The following NUP98 variants were observed in gnomAD, a reference collection of about 807,000 sequenced individuals.
NUP98 encodes nuclear pore complex protein Nup98-Nup96.
In NUP98, 26 loss-of-function variants were observed where a neutral mutation model predicts 191.9. The ratio of observed to expected loss-of-function variants is 0.14; its 90% CI spans 0.10 to 0.19. The LOEUF is 0.19. Among genes scored for constraint, NUP98 ranks in the 10% least tolerant of loss-of-function variants. The pLI, the probability that NUP98 is intolerant of heterozygous loss-of-function variation, is 1.00. For synonymous variants in NUP98, 808 were observed against 778.4 expected (o/e 1.04, Z -0.63); for missense variants, 1,941 against 2,178.8 (o/e 0.89, Z 2.17).
intron 28 of NUP98, among the ~76,000 whole-genome samples, chr11:3,690,992 A>C (rs1300437467): frequency 6.6e-6 from 1 of 152,240 alleles, no homozygotes; most frequent in Non-Finnish European, 1.5e-5. Context: ...ATAGTAACAA[A>C]AAACTAGTCA....
intron 12 of NUP98, 125 bp from the exon 13 acceptor site, chr11:3,735,449 G>T: frequency 2.4e-6 from 1 of 412,840 alleles, no homozygotes. Flanking sequence ...TCAGATCAAT[G>T]GTATCATTGG....
At chr11:3,709,812 T>C (rs2078977627) in intron 20 of NUP98, among the ~76,000 whole-genome samples, 1 of 42,000 alleles carries the variant, frequency 2.4e-5, no homozygotes, top group Admixed American at 3.2e-4. Flanking sequence ...CTGGGGACTG[T>C]TGTGGGGTGG....
intron 27 of NUP98, 137 bp downstream of exon 27, chr11:3,693,095 C>CA: frequency 1.3e-6 from 1 of 793,838 alleles, no homozygotes; most frequent in East Asian, 2.5e-5. Flanking sequence ...AAAATAAAAA[C>CA]AGACACTTGG....
chr11:3,731,472 G>C lies in NUP98; in HGVS notation c.1649C>G (p.Thr550Arg). The change falls in exon 14 of 33, where the codon ACA becomes AGA. Residue 550 changes from threonine (T) to arginine (R), a missense_variant. By Grantham distance (71) the Thr-to-Arg change is moderately conservative (BLOSUM62 -1). Around this residue, in one of 6 missense-constraint regions of NUP98, gnomAD observed 453 missense variants for 438.2 expected, o/e 1.03. Transcript: ENST00000324932. ...GAGATGTGACTTGGCTGTGCCTGTT[G>C]TTTGTAAAGCCTTTGGCCGGACTCT... ...ATRVRPKALQ[T>R]TGTAKSHLFD... 1.2e-6 allele frequency: 2 copies of C among 1,608,834 alleles called. No homozygotes were observed. Among genetic ancestry groups the C allele is most frequent in the Non-Finnish European group, 1.7e-6 (2 of 1,177,376 alleles).
At chr11:3,728,688 G>A (rs959578572) in intron 14 of NUP98, among the ~76,000 whole-genome samples, 4 of 151,998 alleles carry the variant, frequency 2.6e-5, no homozygotes, top group African/African-American at 4.8e-5. Flanking sequence ...GCAGTGAGCC[G>A]AGATGGGGCC....
chr11:3,753,152 G>C (rs1049234904), intron 11 of NUP98, among the ~76,000 whole-genome samples, 164 bp downstream of exon 11: 4 of 152,188 alleles, frequency 2.6e-5, no homozygotes, highest in African/African-American at 9.7e-5. Flanking sequence ...ATATTTTAAA[G>C]CCTGGTAAAG....
At chr11:3,788,941 C>T (rs936903411) in intron 1 of NUP98, among the ~76,000 whole-genome samples, 1 of 152,098 alleles carries the variant, frequency 6.6e-6, no homozygotes, top group Non-Finnish European at 1.5e-5. Flanking sequence ...CAGTGAAACT[C>T]CATCTCAAAA....
rs1167395767 is a variant in NUP98, at chr11:3,719,493, T to C, written c.2318A>G (p.Asp773Gly). 3 of 1,593,580 alleles carry C rather than the reference T, an allele frequency of 1.9e-6. No homozygotes were observed. The highest frequency in any genetic ancestry group is 1.4e-5 in the African/African-American group (1 of 73,600). The change falls in exon 18 of 33, where the codon GAT becomes GGT. Residue 773 changes from aspartate (D) to glycine (G), a missense_variant. This residue lies in a region of NUP98 where 453 missense variants were observed against 438.2 expected (regional missense o/e 1.03). Transcript: ENST00000324932. ...TTCTTTCCTCCGGATATGCACAATA[T>C]CATCCAAATTTAGATTTGTCAAATT... ...DVNLTNLNLDDIVHIRRKEVV... is the reference protein window; with the variant it reads ...DVNLTNLNLDGIVHIRRKEVV...
intron 7 of NUP98, among the ~76,000 whole-genome samples, chr11:3,771,250 T>C (rs1223963098): frequency 1.3e-5 from 2 of 152,242 alleles, no homozygotes; most frequent in African/African-American, 2.4e-5. Context: ...CAATCTACTG[T>C]CAATATAGGA....
chr11:3,735,369 A>C, intron 12 of NUP98, 45 bp from the exon 13 acceptor site: 2 of 935,192 alleles, frequency 2.1e-6, no homozygotes, highest in Non-Finnish European at 2.8e-6. Flanking sequence ...TATATATATA[A>C]ATGCAAGGAT....
At chr11:3,768,359 T>A (rs1020060161) in intron 8 of NUP98, among the ~76,000 whole-genome samples, 15 of 150,432 alleles carry the variant, frequency 1.0e-4, no homozygotes, top group African/African-American at 3.2e-4. Context: ...AGGCGGAGCT[T>A]GCAGTGAGCT....
At chr11:3,769,302 T>C (rs573777532) in intron 7 of NUP98, among the ~76,000 whole-genome samples, 1 of 152,192 alleles carries the variant, frequency 6.6e-6, no homozygotes, top group South Asian at 2.1e-4. Flanking sequence ...GGCACTTGCC[T>C]GTGGTCTTAG....
At chr11:3,730,025 T>C (rs1474325029) in intron 14 of NUP98, among the ~76,000 whole-genome samples, 1 of 152,008 alleles carries the variant, frequency 6.6e-6, no homozygotes, top group Non-Finnish European at 1.5e-5. Flanking sequence ...GTGAATTATC[T>C]GAGGTCAGCA....
intron 14 of NUP98, among the ~76,000 whole-genome samples, chr11:3,726,200 T>C (rs572298861): frequency 2.6e-5 from 4 of 151,170 alleles, no homozygotes; most frequent in Non-Finnish European, 4.4e-5. Context: ...TAGAAGTTAA[T>C]AACAAAAACA....
At chr11:3,720,251 T>A (rs2079341336) in intron 17 of NUP98, among the ~76,000 whole-genome samples, 5 of 152,212 alleles carry the variant, frequency 3.3e-5, no homozygotes, top group Admixed American at 3.3e-4. Context: ...TCAGTAATAA[T>A]AACATGAAGT....
intron 8 of NUP98, among the ~76,000 whole-genome samples, chr11:3,763,729 AG>A (rs1237499853): frequency 6.6e-6 from 1 of 152,030 alleles, no homozygotes; most frequent in African/African-American, 2.4e-5. Flanking sequence ...TTGCATTTTT[AG>A]TAGAGATGGG....
At chr11:3,702,230 T>C (rs1445203525) in intron 23 of NUP98, among the ~76,000 whole-genome samples, 1 of 130,962 alleles carries the variant, frequency 7.6e-6, no homozygotes, top group Non-Finnish European at 1.6e-5. Context: ...AGAGCAAAAC[T>C]GAGACTCAAA....
At position 3,693,394 on chromosome 11, in the gene NUP98, T is replaced by C. The variant is rs762050138; in HGVS notation, c.4168-19A>G. On this transcript the variant is annotated intron_variant, in intron 26 of 32. Coordinates refer to ENST00000324932, the MANE Select transcript of NUP98 (RefSeq NM_016320.5). ...GCCACACCTGTGCGAAACAAAATCA[T>C]CACCATGGCTATATTCTACCTTGTT... is the stretch of plus-strand genomic sequence containing the variant. The C allele has an allele frequency of 3.1e-6, 5 of 1,613,538 alleles. No homozygotes were observed. The Admixed American group carries it at 6.7e-5, about 22-fold the overall frequency.
In NUP98 at chr11:3,705,476, A is replaced by G. The variant is rs539570872; in HGVS notation, c.2926-120T>C. The G allele has an allele frequency of 3.2e-6, 3 of 926,178 alleles. No homozygotes were observed. The Admixed American group carries it at 7.0e-5, about 22-fold the overall frequency. 57.4% of individuals were successfully genotyped at this position (926,178 alleles called of 1,614,324 possible). ...CCTCCTCAAGGCTGTGTACAGAGCTAGTATATTTGTGTGATGGATGGACCC... is the reference window on the plus strand; with the variant it reads ...CCTCCTCAAGGCTGTGTACAGAGCTGGTATATTTGTGTGATGGATGGACCC... On this transcript the variant is annotated intron_variant, in intron 21 of 32. Transcript: ENST00000324932.
Sources: allele counts gnomAD v4.1 joint callset (sites outside exome capture counted in the v4.1 genomes callset), GRCh38; gene constraint gnomAD v4.1.1; regional missense constraint gnomAD v4.1.1; transcripts MANE v1.5; gene names NCBI Gene and HGNC (gene_info 2026-07-23, HGNC 2026-07-21).